NELL1: variants seen among roughly 807,000 people sequenced by gnomAD.
NELL1 encodes protein kinase C-binding protein NELL1.
Under a neutral mutation model 107.4 loss-of-function variants are expected in NELL1, and 76 were observed. The observed-to-expected ratio is 0.71, with a 90% CI of 0.59 to 0.86. The LOEUF is 0.86. NELL1 is among the 40% of genes least tolerant of loss of function. The pLI, the probability that NELL1 is intolerant of heterozygous loss-of-function variation, is 0.00. For missense variants in NELL1, 1,024 were observed against 1,005.5 expected, an observed-to-expected ratio of 1.02 and a Z score of -0.25; for synonymous variants, 353 against 341.2, an observed-to-expected ratio of 1.03 and a Z score of -0.38.
intron 2 of NELL1, among the ~76,000 whole-genome samples, chr11:20,755,678 C>G (rs1856261854): frequency 6.6e-6 from 1 of 151,492 alleles, no homozygotes; most frequent in Non-Finnish European, 1.5e-5. Context: ...GCCTCAGCCT[C>G]CCGAGTAACT....
intron 2 of NELL1, among the ~76,000 whole-genome samples, chr11:20,718,620 A>G (rs1855308407): frequency 6.6e-6 from 1 of 152,116 alleles, no homozygotes; most frequent in South Asian, 2.1e-4. Flanking sequence ...TCAAACCTAA[A>G]ACATTTCTTC....
intron 10 of NELL1, among the ~76,000 whole-genome samples, chr11:20,938,898 TTCTCTCTCTG>T (rs754584057): frequency 1.9e-5 from 2 of 104,866 alleles, no homozygotes; most frequent in African/African-American, 3.9e-5. Flanking sequence ...AAGCTCTCTC[TTCTCTCTCTG>T]TCTCTCTCTC....
intron 15 of NELL1, among the ~76,000 whole-genome samples, chr11:21,464,402 C>CAAAA (rs60770584): frequency 2.6e-4 from 36 of 136,088 alleles, no homozygotes; most frequent in African/African-American, 9.9e-4. Context: ...ATGTCCGTGG[C>CAAAA]AAAAAAAAAA....
intron 3 of NELL1, among the ~76,000 whole-genome samples, chr11:20,824,558 T>G (rs1383509246): frequency 6.6e-6 from 1 of 151,288 alleles, no homozygotes. Flanking sequence ...TAGAACTTCC[T>G]AGAGAATTGT....
chr11:21,130,293 A>G (rs998757432), intron 13 of NELL1, among the ~76,000 whole-genome samples: 1 of 152,108 alleles, frequency 6.6e-6, no homozygotes, highest in African/African-American at 2.4e-5. Flanking sequence ...CCTTTCACAG[A>G]TTCTGGGTCA....
intron 15 of NELL1, among the ~76,000 whole-genome samples, chr11:21,385,507 C>T (rs967533405): frequency 6.6e-6 from 1 of 151,784 alleles, no homozygotes; most frequent in Non-Finnish European, 1.5e-5. Flanking sequence ...TTCAATCAAT[C>T]ACTACAGTGC....
At chr11:21,317,349 G>T (rs932504554) in intron 14 of NELL1, among the ~76,000 whole-genome samples, 13 of 21,944 alleles carry the variant, frequency 5.9e-4, no homozygotes, top group Non-Finnish European at 9.2e-4. Flanking sequence ...GGCACATAAA[G>T]CTTCCTTGTT....
chr11:20,672,844 G>A (rs1459833923), intron 1 of NELL1, among the ~76,000 whole-genome samples: 4 of 147,506 alleles, frequency 2.7e-5, no homozygotes, highest in Non-Finnish European at 6.0e-5. Flanking sequence ...CTGCTGGAAA[G>A]GAGAGAATTT....
intron 12 of NELL1, among the ~76,000 whole-genome samples, chr11:21,030,809 G>A (rs954705134): frequency 2.6e-5 from 4 of 151,900 alleles, no homozygotes; most frequent in Admixed American, 2.0e-4. Flanking sequence ...CCCCTCCATC[G>A]TAGCTATAAT....
rs768842070 is a variant in NELL1 at position 21,370,929 on chromosome 11, A to G, written c.1626A>G (p.Thr542=). 20 of 1,611,000 alleles carry G rather than the reference A, an allele frequency of 1.2e-5. No individual in the cohort carries two copies. In the East Asian group the frequency reaches 3.8e-4, roughly 31 times the overall value. ...AATGTGTCTGTCCATCTGGATTCAC[A>G]GGAAGCCACTGCGAGAAAGGTAATC... ...PNKCVCPSGF[T]GSHCEKDIDE... is the part of the protein sequence containing the mutation. The change falls in exon 15 of 20, where the codon ACA becomes ACG. Residue 542 remains threonine, a synonymous_variant. Coordinates refer to ENST00000357134, the MANE Select transcript of NELL1 (RefSeq NM_006157.5).
intron 13 of NELL1, among the ~76,000 whole-genome samples, chr11:21,181,691 G>A (rs1856829775): frequency 6.6e-6 from 1 of 151,806 alleles, no homozygotes; most frequent in Non-Finnish European, 1.5e-5. Flanking sequence ...ACTTAATTTT[G>A]TTAACATTTC....
chr11:20,934,679 T>C (rs1850686658), intron 9 of NELL1, among the ~76,000 whole-genome samples: 1 of 152,198 alleles, frequency 6.6e-6, no homozygotes, highest in Non-Finnish European at 1.5e-5. Context: ...TTGACAACAG[T>C]GCACTTAGCA....
intron 15 of NELL1, among the ~76,000 whole-genome samples, chr11:21,534,043 CA>C (rs937116505): frequency 1.0e-4 from 15 of 150,458 alleles, no homozygotes; most frequent in South Asian, 2.1e-4. Context: ...ATTTTTAATC[CA>C]AAAAAAAAGT....
intron 15 of NELL1, among the ~76,000 whole-genome samples, chr11:21,372,909 T>A (rs1486330951): frequency 6.6e-6 from 1 of 152,020 alleles, no homozygotes; most frequent in Non-Finnish European, 1.5e-5. Context: ...AGTGGGTGAT[T>A]GCATCAGTGC....
intron 13 of NELL1, among the ~76,000 whole-genome samples, chr11:21,151,802 T>C (rs752082087): frequency 7.2e-5 from 11 of 152,242 alleles, no homozygotes; most frequent in Non-Finnish European, 1.3e-4. Context: ...CTATTACTAA[T>C]GCACAATGTT....
At chr11:21,536,380 T>A (rs772481505) in intron 16 of NELL1, among the ~76,000 whole-genome samples, 1 of 152,204 alleles carries the variant, frequency 6.6e-6, no homozygotes, top group African/African-American at 2.4e-5. Flanking sequence ...CACACTTCTC[T>A]GCCTTTATAT....
intron 14 of NELL1, among the ~76,000 whole-genome samples, chr11:21,274,006 A>C (rs1388518490): frequency 3.9e-5 from 6 of 152,214 alleles, no homozygotes; most frequent in African/African-American, 1.4e-4. Flanking sequence ...AACGAGCAAA[A>C]TAACCAGCTA....
chr11:20,709,061 G>A (rs1474515895), intron 2 of NELL1, among the ~76,000 whole-genome samples: 1 of 152,250 alleles, frequency 6.6e-6, no homozygotes, highest in Non-Finnish European at 1.5e-5. Flanking sequence ...GGTAATGCTT[G>A]CTTCTTTACT....
intron 14 of NELL1, among the ~76,000 whole-genome samples, chr11:21,236,130 T>G (rs1858200706): frequency 1.3e-5 from 2 of 152,150 alleles, no homozygotes; most frequent in South Asian, 4.1e-4. Context: ...TTCTATCCTC[T>G]CTTCTTCCAA....
Sources: allele counts gnomAD v4.1 joint callset (sites outside exome capture counted in the v4.1 genomes callset), GRCh38; gene constraint gnomAD v4.1.1; transcripts MANE v1.5; gene names NCBI Gene and HGNC (gene_info 2026-07-23, HGNC 2026-07-21).